Variants in FBLN1 observed in about 807,000 individuals in gnomAD.
FBLN1 encodes the protein fibulin 1, also known as fibulin-1.
FBLN1 carries 34 observed loss-of-function variants against 89.7 expected under a neutral mutation model. The observed-to-expected ratio is 0.38, with a 90% CI of 0.29 to 0.50. The LOEUF (loss-of-function observed/expected upper bound fraction) is 0.50. FBLN1 is among the 20% of genes least tolerant of loss of function. FBLN1 has a pLI of 0.92. For missense variants in FBLN1, 777 were observed against 988.1 expected (o/e 0.79, Z 2.86); for synonymous variants, 393 against 391.3 (o/e 1.00, Z -0.05).
chr22:45,560,388 C>G (rs1398259821), intron 14 of FBLN1, among the ~76,000 whole-genome samples: 1 of 152,196 alleles, frequency 6.6e-6, no homozygotes, highest in African/African-American at 2.4e-5. Context: ...CTTCTGAATC[C>G]TCCCAACTTG....
At position 45,527,904 on chromosome 22, in the gene FBLN1, G is replaced by A. The variant is rs974015899; in HGVS notation, c.379G>A (p.Glu127Lys). Residue 127 changes from glutamate (E) to lysine (K), a missense_variant, in exon 4 of 17, where the codon GAG becomes AAG. Transcript: ENST00000327858. ...RAAQAQGQSCEYSLMVGYQCG... is the reference protein window; with the variant it reads ...RAAQAQGQSCKYSLMVGYQCG... ...GGCCCAGGCCCAGGGCCAGAGCTGCGAGTACAGCCTCATGGTTGGCTACCA... is the reference window on the plus strand; with the variant it reads ...GGCCCAGGCCCAGGGCCAGAGCTGCAAGTACAGCCTCATGGTTGGCTACCA... 25 of 1,614,054 alleles carry A rather than the reference G, an allele frequency of 1.5e-5. No homozygotes were observed. The East Asian group carries it at 4.7e-4, about 30-fold the overall frequency.
In FBLN1 at chr22:45,584,716, G is replaced by A. The variant is rs746638331; in HGVS notation, c.1972+7608G>A. Among the ~76,000 whole-genome samples, 37 of 152,334 alleles carry A rather than the reference G, an allele frequency of 2.4e-4. 2 individuals are homozygous for A. In the South Asian group the frequency reaches 5.4e-3, roughly 22 times the overall value. On this transcript the variant is annotated intron_variant, in intron 16 of 16. Coordinates refer to ENST00000327858, the MANE Select transcript of FBLN1 (RefSeq NM_006486.3). ...AGAAGTTTGGAAATGGAGGGCTGGTGGGAGCCCGGAGCCTTCTTAGGGGAC... is the reference window on the plus strand; with the variant it reads ...AGAAGTTTGGAAATGGAGGGCTGGTAGGAGCCCGGAGCCTTCTTAGGGGAC...
intron 14 of FBLN1, among the ~76,000 whole-genome samples, chr22:45,552,866 G>A (rs1210237711): frequency 2.0e-5 from 2 of 100,768 alleles, no homozygotes; most frequent in Non-Finnish European, 2.0e-5. Flanking sequence ...GAGGAAGTGT[G>A]CAAAGCTGTC....
intron 16 of FBLN1, among the ~76,000 whole-genome samples, chr22:45,584,064 G>A (rs1438289452): frequency 1.3e-5 from 2 of 152,146 alleles, no homozygotes; most frequent in African/African-American, 4.8e-5. Context: ...CAGTCCTCTG[G>A]GTCAACCGCC....
chr22:45,595,508 G>A (rs1226488807), intron 16 of FBLN1, among the ~76,000 whole-genome samples: 1 of 152,144 alleles, frequency 6.6e-6, no homozygotes, highest in African/African-American at 2.4e-5. Context: ...CTTTTCCCTA[G>A]TGTGGTCCTT....
rs1181258475 is a variant in FBLN1 at position 45,597,937 on chromosome 22, ATG to A, written c.1973-2368_1973-2367del. 6.6e-6 allele frequency among the ~76,000 whole-genome samples: 1 copy of A among 152,062 alleles called. No individual in the cohort carries two copies. The highest frequency in any genetic ancestry group is 1.5e-5 in the Non-Finnish European group (1 of 68,008). On this transcript the variant is annotated intron_variant, in intron 16 of 16. Transcript: ENST00000327858. This position sits in a 1 kb window ranked among gnomAD's most constrained non-coding sequence, Gnocchi z 4.2. ...GATTCTCTTTCTGAGCGTGAACTTG[ATG>A]TTCCTGACCAGGAACCAGCCACTCG...
At chr22:45,505,911 G>T (rs1008162497) in intron 1 of FBLN1, among the ~76,000 whole-genome samples, 1 of 152,138 alleles carries the variant, frequency 6.6e-6, no homozygotes, top group Non-Finnish European at 1.5e-5. Flanking sequence ...AGCTGGGATT[G>T]CAGGCGCCCA....
rs536985448 is a variant in FBLN1, at chr22:45,545,635, A to T, written c.1322-1450A>T. Among the ~76,000 whole-genome samples, 9 of 152,286 alleles carry T rather than the reference A, an allele frequency of 5.9e-5. No individual in the cohort carries two copies. Among genetic ancestry groups the T allele is most frequent in the African/African-American group, 2.2e-4 (9 of 41,550 alleles). On this transcript the variant is annotated intron_variant, in intron 11 of 16. Transcript: ENST00000327858. The surrounding 1 kb of genome is among the most constrained non-coding windows in gnomAD (Gnocchi z 5.9). ...GTGTGTAGCAAGAACTCGGTCCTGC[A>T]CTGGGGAGTGTCTCTAGCGGGGGAT... is the stretch of plus-strand genomic sequence containing the variant.
intron 14 of FBLN1, among the ~76,000 whole-genome samples, chr22:45,555,194 A>G (rs2147001696): frequency 6.6e-6 from 1 of 150,730 alleles, no homozygotes; most frequent in East Asian, 1.9e-4. Flanking sequence ...CTCCACCACA[A>G]GAAGTTTGGA....
chr22:45,595,332 G>T (rs557109734), intron 16 of FBLN1, among the ~76,000 whole-genome samples: 1 of 152,170 alleles, frequency 6.6e-6, no homozygotes, highest in Non-Finnish European at 1.5e-5. Flanking sequence ...TTCCTTGAGC[G>T]CCTGCTGTGT....
intron 14 of FBLN1, chr22:45,565,588 G>C (rs185538146): frequency 1.4e-5 from 3 of 216,458 alleles, no homozygotes; most frequent in African/African-American, 4.5e-5. Flanking sequence ...CACTAGCCAG[G>C]CTCTTTGAGG....
Position 45,547,198 on chromosome 22 carries a change from T to C in FBLN1, c.1435T>C (p.Cys479Arg). The C allele has an allele frequency of 6.2e-7, 1 of 1,613,890 alleles. No individual in the cohort carries two copies. The highest frequency in any genetic ancestry group is 8.5e-7 in the Non-Finnish European group (1 of 1,179,978). Residue 479 changes from cysteine (C) to arginine (R), a missense_variant, in exon 12 of 17, where the codon TGT becomes CGT. Cys to Arg is a radical substitution (Grantham distance 180, BLOSUM62 -3). Coordinates refer to ENST00000327858, the MANE Select transcript of FBLN1 (RefSeq NM_006486.3). ...YQLSDVDGVT[C>R]EDIDECALPT... ...GCTCAGCGATGTGGATGGAGTCACC[T>C]GTGAAGGTGCGGACGCCCCTGCCTG...
At chr22:45,592,641 A>G (rs2089148855) in intron 16 of FBLN1, among the ~76,000 whole-genome samples, 1 of 152,036 alleles carries the variant, frequency 6.6e-6, no homozygotes, top group Non-Finnish European at 1.5e-5. Flanking sequence ...CATATTCTCA[A>G]CGTTTCCTCT....
chr22:45,518,796 G>T lies in FBLN1; in HGVS notation c.185+9G>T, dbSNP rs942959653. Reference sequence around the variant, plus strand: ...GAATCCAAAGAATGCAGGTACGTTTGCCAGTGGCCACTGTTTCACTGGAAC... The same window carrying T: ...GAATCCAAAGAATGCAGGTACGTTTTCCAGTGGCCACTGTTTCACTGGAAC... On this transcript the variant is annotated intron_variant, in intron 2 of 16. Transcript: ENST00000327858. 13 of 1,595,282 alleles carry T rather than the reference G, an allele frequency of 8.1e-6. No homozygotes were observed. Among genetic ancestry groups the T allele is most frequent in the African/African-American group, 4.0e-5 (3 of 74,426 alleles).
chr22:45,559,422 A>G (rs2088826791), intron 14 of FBLN1, among the ~76,000 whole-genome samples: 1 of 152,120 alleles, frequency 6.6e-6, no homozygotes, highest in Non-Finnish European at 1.5e-5. Context: ...GGAATACGAT[A>G]TTGTTTTTGA....
At position 45,581,682 on chromosome 22, in the gene FBLN1, C is replaced by T. The variant is rs77601382; in HGVS notation, c.1972+4574C>T. On this transcript the variant is annotated intron_variant, in intron 16 of 16. Transcript: ENST00000327858. The surrounding 1 kb of genome is among the most constrained non-coding windows in gnomAD (Gnocchi z 7.6). ...TTGCAGGCCAGCCCCTCCTGTCGCA[C>T]GGGCATGACCATGGGGCAGTCAGGG... 0.086 allele frequency among the ~76,000 whole-genome samples: 13,081 copies of T among 151,974 alleles called. 674 individuals are homozygous for T. Among genetic ancestry groups the T allele is most frequent in the Middle Eastern group, 0.19 (56 of 294 alleles).
At chr22:45,524,001 G>A (rs371838935) in intron 2 of FBLN1, among the ~76,000 whole-genome samples, 5 of 152,284 alleles carry the variant, frequency 3.3e-5, no homozygotes, top group Admixed American at 2.6e-4. Context: ...CTGGTGGCTC[G>A]CTCTGGCAGT....
chr22:45,569,529 C>T (rs2088932692), intron 14 of FBLN1, among the ~76,000 whole-genome samples: 1 of 152,108 alleles, frequency 6.6e-6, no homozygotes, highest in Non-Finnish European at 1.5e-5. Flanking sequence ...ATCTCAGCGA[C>T]TTGGGAGGCT....
In FBLN1 at chr22:45,555,248, C is replaced by CATATATATATATATATATAAAATGGAAT. The variant is rs71779159; in HGVS notation, c.1697+4650_1697+4651insTAAAATGGAATATATATATATATATATA. 1.1e-4 allele frequency among the ~76,000 whole-genome samples: 15 copies of CATATATATATATATATATAAAATGGAAT among 135,126 alleles called. 1 individual carries two copies. Among genetic ancestry groups the CATATATATATATATATATAAAATGGAAT allele is most frequent in the Admixed American group, 4.3e-4 (6 of 13,876 alleles). The allele number at this position is 135,126 out of a possible 152,430, so 88.6% of individuals were successfully genotyped here. A position where few individuals can be genotyped will look rare whatever the true frequency, so the allele number is the denominator to read the frequency against. ...AGAGGGACAGAACTAATGGAATATACATATATATATATATATAAAATGGAA... is the reference window on the plus strand; with the variant it reads ...AGAGGGACAGAACTAATGGAATATACATATATATATATATATATAAAATGGAATATATATATATATATATAAAATGGAA... On this transcript the variant is annotated intron_variant, in intron 14 of 16. Transcript: ENST00000327858.
Sources: allele counts gnomAD v4.1 joint callset (sites outside exome capture counted in the v4.1 genomes callset), GRCh38; gene constraint gnomAD v4.1.1; non-coding constraint Gnocchi (gnomAD v3.1); transcripts MANE v1.5; gene names NCBI Gene and HGNC (gene_info 2026-07-23, HGNC 2026-07-21).